NOS1AP: variants seen among roughly 807,000 people sequenced by gnomAD.
NOS1AP encodes carboxyl-terminal PDZ ligand of neuronal nitric oxide synthase protein.
Under a neutral mutation model 56.2 loss-of-function variants are expected in NOS1AP, and 21 were observed. That is an observed-to-expected ratio of 0.37 (90% confidence interval 0.26 to 0.54). The LOEUF is 0.54. Ranked by LOEUF, NOS1AP falls within the 20% of genes least tolerant of loss-of-function variation. The pLI, the probability that NOS1AP is intolerant of heterozygous loss-of-function variation, is 0.84. For synonymous variants in NOS1AP, 270 were observed against 274.6 expected, an observed-to-expected ratio of 0.98 and a Z score of 0.17; for missense variants, 522 against 657.8, an observed-to-expected ratio of 0.79 and a Z score of 2.26.
intron 5 of NOS1AP, among the ~76,000 whole-genome samples, chr1:162,337,527 A>T (rs1483793147): frequency 6.6e-6 from 1 of 152,186 alleles, no homozygotes; most frequent in Admixed American, 6.5e-5. Flanking sequence ...TGCAGGAATC[A>T]TGGGTCTCAG....
chr1:162,312,615 T>A (rs1376669719), intron 4 of NOS1AP, among the ~76,000 whole-genome samples: 13 of 142,260 alleles, frequency 9.1e-5, no homozygotes, highest in Non-Finnish European at 1.6e-4. Flanking sequence ...ATTTTGGCTT[T>A]TGTTGCCATT....
chr1:162,108,843 T>C (rs1647608436), intron 1 of NOS1AP, among the ~76,000 whole-genome samples: 1 of 151,870 alleles, frequency 6.6e-6, no homozygotes, highest in Non-Finnish European at 1.5e-5. Flanking sequence ...TGCCAATAGA[T>C]ATGAAAAAAA....
At chr1:162,128,258 T>G (rs910374793) in intron 1 of NOS1AP, among the ~76,000 whole-genome samples, 1 of 152,168 alleles carries the variant, frequency 6.6e-6, no homozygotes, top group Non-Finnish European at 1.5e-5. Flanking sequence ...CAACATTGTT[T>G]ATTAATAAGT....
At chr1:162,284,484 T>C (rs1018027565) in intron 2 of NOS1AP, among the ~76,000 whole-genome samples, 1 of 152,132 alleles carries the variant, frequency 6.6e-6, no homozygotes, top group African/African-American at 2.4e-5. Context: ...TCCATCTTCA[T>C]TTTGAAGGAC....
At chr1:162,139,850 A>G (rs1251647764) in intron 1 of NOS1AP, among the ~76,000 whole-genome samples, 1 of 150,410 alleles carries the variant, frequency 6.6e-6, no homozygotes, top group Non-Finnish European at 1.5e-5. Context: ...TTTTCTTTTG[A>G]GGCAGTCTTA....
At chr1:162,315,576 C>T (rs140521059) in intron 4 of NOS1AP, among the ~76,000 whole-genome samples, 2 of 152,272 alleles carry the variant, frequency 1.3e-5, no homozygotes, top group East Asian at 3.9e-4. Flanking sequence ...GGGTTAAGCA[C>T]AGAATTTGGG....
At chr1:162,086,016 C>T (rs6670339) in intron 1 of NOS1AP, among the ~76,000 whole-genome samples, 76,769 of 151,816 alleles carry the variant, frequency 0.51, 21,822 homozygotes, top group Non-Finnish European at 0.65. Context: ...GAGCTCAAGG[C>T]TTTGGTGCTG....
At chr1:162,366,556 G>A (rs974476941) in intron 9 of NOS1AP, among the ~76,000 whole-genome samples, 1 of 152,108 alleles carries the variant, frequency 6.6e-6, no homozygotes, top group Non-Finnish European at 1.5e-5. Flanking sequence ...ACATCGTTCT[G>A]TCTAGGGCTG....
chr1:162,312,529 A>C (rs1219073988), intron 4 of NOS1AP, among the ~76,000 whole-genome samples: 8 of 137,142 alleles, frequency 5.8e-5, no homozygotes, highest in African/African-American at 1.6e-4. Flanking sequence ...CCCATTTTGT[A>C]GGTTGCCTGT....
intron 2 of NOS1AP, among the ~76,000 whole-genome samples, chr1:162,227,801 G>C (rs1652990186): frequency 6.6e-6 from 1 of 152,168 alleles, no homozygotes; most frequent in South Asian, 2.1e-4. Flanking sequence ...TGCAAGATGA[G>C]TTTGCAAACA....
intron 5 of NOS1AP, among the ~76,000 whole-genome samples, chr1:162,339,376 T>C (rs1009227558): frequency 6.8e-6 from 1 of 147,910 alleles, no homozygotes; most frequent in Non-Finnish European, 1.5e-5. Context: ...TGTACAGAAA[T>C]AATGCAGTAT....
chr1:162,084,226 T>A (rs1291443547), intron 1 of NOS1AP, among the ~76,000 whole-genome samples: 2 of 152,080 alleles, frequency 1.3e-5, no homozygotes, highest in East Asian at 1.9e-4. Context: ...GTTCTTGGAG[T>A]GATGAATGAT....
intron 1 of NOS1AP, among the ~76,000 whole-genome samples, chr1:162,080,609 A>C (rs1199650715): frequency 6.6e-6 from 1 of 152,206 alleles, no homozygotes; most frequent in East Asian, 1.9e-4. Context: ...AGGAGACAGG[A>C]AGGAGAACAT....
intron 1 of NOS1AP, among the ~76,000 whole-genome samples, chr1:162,152,606 G>A (rs187538488): frequency 1.3e-5 from 2 of 152,356 alleles, no homozygotes; most frequent in East Asian, 3.9e-4. Context: ...TCAGCAAGCT[G>A]CAAGGTTCTT....
intron 1 of NOS1AP, among the ~76,000 whole-genome samples, chr1:162,078,000 G>C (rs1391597138): frequency 4.6e-5 from 7 of 152,106 alleles, no homozygotes; most frequent in Admixed American, 1.3e-4. Flanking sequence ...TGAGCTGCCT[G>C]TCCTAGTCCT....
Position 162,293,153 on chromosome 1 carries a change from C to T in NOS1AP, c.270+5717C>T, listed in dbSNP as rs530012176. ...GGTTATACCTGAAGGAGAGAGATAG[C>T]TTTATTTTCAGTAGTATCCCATTCT... On this transcript the variant is annotated intron_variant, in intron 3 of 9. Coordinates refer to ENST00000361897, the MANE Select transcript of NOS1AP (RefSeq NM_014697.3). Among the ~76,000 whole-genome samples the T allele has an allele frequency of 2.4e-4, 36 of 152,156 alleles. No individual in the cohort carries two copies. In the East Asian group the frequency reaches 5.2e-3, roughly 22 times the overall value.
intron 1 of NOS1AP, among the ~76,000 whole-genome samples, chr1:162,100,103 G>A (rs1216161409): frequency 4.6e-5 from 7 of 152,330 alleles, no homozygotes; most frequent in African/African-American, 1.7e-4. Context: ...ACGTGTGCAT[G>A]TGTCTTTATA....
At chr1:162,346,758 A>G (rs1231948544) in intron 6 of NOS1AP, among the ~76,000 whole-genome samples, 1 of 152,226 alleles carries the variant, frequency 6.6e-6, no homozygotes, top group Non-Finnish European at 1.5e-5. Context: ...CTCAGTTTCT[A>G]TGTGACTAGA....
At chr1:162,135,552 A>G (rs554910897) in intron 1 of NOS1AP, among the ~76,000 whole-genome samples, 147 of 152,302 alleles carry the variant, frequency 9.7e-4, no homozygotes, top group Non-Finnish European at 1.7e-3. Flanking sequence ...CCTGAGAAGC[A>G]GAAGCCTTCT....
Sources: gnomAD v4.1 joint callset for allele counts (sites outside exome capture counted in the v4.1 genomes callset) on GRCh38, gnomAD v4.1.1 for gene constraint, MANE v1.5 for transcripts, NCBI Gene and HGNC (gene_info 2026-07-23, HGNC 2026-07-21) for gene names.